The following STAB2 variants were observed in gnomAD, a reference collection of about 807,000 sequenced individuals.
STAB2 encodes the protein stabilin-2.
A neutral mutation model predicts 338.1 loss-of-function variants in STAB2; 288 were observed. The ratio of observed to expected loss-of-function variants is 0.85; its 90% CI spans 0.77 to 0.94. The LOEUF (loss-of-function observed/expected upper bound fraction) is 0.94. STAB2 is among the 40% of genes least tolerant of loss of function. The pLI, the probability that STAB2 is intolerant of heterozygous loss-of-function variation, is 0.00. For synonymous variants in STAB2, 1,202 were observed against 1,193.3 expected (o/e 1.01, Z -0.15); for missense variants, 3,141 against 3,210.1 (o/e 0.98, Z 0.52).
chr12:103,663,082 G>T (rs1239387718), intron 18 of STAB2, 84 bp downstream of exon 18: 1 of 1,533,324 alleles, frequency 6.5e-7, no homozygotes. Context: ...TCTGAGAAAG[G>T]TGTCAAAGAA....
At chr12:103,745,823 C>T (rs1419573855) in intron 57 of STAB2, among the ~76,000 whole-genome samples, 1 of 152,214 alleles carries the variant, frequency 6.6e-6, no homozygotes, top group African/African-American at 2.4e-5. Flanking sequence ...TACGCAGATG[C>T]TCAAAACAAG....
At chr12:103,665,368 C>A (rs1874988209) in intron 18 of STAB2, among the ~76,000 whole-genome samples, 1 of 152,128 alleles carries the variant, frequency 6.6e-6, no homozygotes, top group Non-Finnish European at 1.5e-5. Context: ...GAAACAGAAT[C>A]CATCTGAGAT....
chr12:103,747,989 T>C (rs1457408140), intron 58 of STAB2, among the ~76,000 whole-genome samples: 2 of 114,640 alleles, frequency 1.7e-5, no homozygotes, highest in African/African-American at 7.4e-5. Context: ...AACAAGACTC[T>C]GTCTCCAAAA....
intron 50 of STAB2, 65 bp from the exon 51 acceptor site, chr12:103,732,941 A>G: frequency 6.4e-7 from 1 of 1,566,836 alleles, no homozygotes. Flanking sequence ...CCTCAGAGAC[A>G]GAACCCCTGC....
In STAB2 at chr12:103,725,002, A is replaced by G. The variant is rs1158933808; in HGVS notation, c.4711A>G (p.Ile1571Val). The G allele has an allele frequency of 1.2e-6, 2 of 1,614,062 alleles. No homozygotes were observed. The highest frequency in any genetic ancestry group is 2.2e-5 in the South Asian group (2 of 91,078). Reference sequence around the variant, plus strand: ...AAATGGCGGCTGTAGTGAATTTGCCATCTGCAACCACACTGGGCAAGTAGA... The same window carrying G: ...AAATGGCGGCTGTAGTGAATTTGCCGTCTGCAACCACACTGGGCAAGTAGA... Reference protein sequence around the residue: ...TKNGGCSEFAICNHTGQVERT... With the variant: ...TKNGGCSEFAVCNHTGQVERT... Residue 1571 changes from isoleucine (I) to valine (V), a missense_variant, in exon 45 of 69, where the codon ATC (isoleucine) becomes GTC (valine). Transcript: ENST00000388887.
At chr12:103,661,867 G>A (rs79070155) in intron 17 of STAB2, among the ~76,000 whole-genome samples, 4,236 of 152,256 alleles carry the variant, frequency 0.028, 116 homozygotes, top group East Asian at 0.099. Context: ...GAGTAGGAAA[G>A]GAGGCTGGGC....
In STAB2 at chr12:103,660,379, A is replaced by G; in HGVS notation, c.1783A>G (p.Thr595Ala). The G allele has an allele frequency of 6.2e-7, 1 of 1,614,142 alleles. No homozygotes were observed. The highest frequency in any genetic ancestry group is 8.5e-7 in the Non-Finnish European group (1 of 1,180,018). ...CGTCAGATACCACATTGTCCCATTT[A>G]CCCAGGTTGGCCCCACTTTTCCTGC... Reference protein sequence around the residue: ...ELVRYHIVPFTQLEVATLIST... With the variant: ...ELVRYHIVPFAQLEVATLIST... The change falls in exon 16 of 69, where the codon ACC (threonine) becomes GCC (alanine). Residue 595 changes from threonine to alanine, a missense_variant. By Grantham distance (58) the Thr-to-Ala change is moderately conservative. Coordinates refer to ENST00000388887, the MANE Select transcript of STAB2 (RefSeq NM_017564.10).
At position 103,650,932 on chromosome 12, in the gene STAB2, G is replaced by A. The variant is rs1873694647; in HGVS notation, c.1257+354G>A. On this transcript the variant is annotated intron_variant, in intron 11 of 68. Coordinates refer to ENST00000388887, the MANE Select transcript of STAB2 (RefSeq NM_017564.10). ...AGGTGATAAAGAAGATTTGCTTAAA[G>A]CAAAACTGCTCACTTCCCACAGGAA... 2.0e-5 allele frequency among the ~76,000 whole-genome samples: 3 copies of A among 152,312 alleles called. No individual in the cohort carries two copies. The South Asian group carries it at 6.2e-4, about 32-fold the overall frequency.
chr12:103,762,451 C>T, intron 67 of STAB2, 49 bp downstream of exon 67: 2 of 1,613,310 alleles, frequency 1.2e-6, no homozygotes, highest in Non-Finnish European at 1.7e-6. Context: ...TCCAAAAACC[C>T]AGTCCCTGGA....
At position 103,755,668 on chromosome 12, in the gene STAB2, A is replaced by T; in HGVS notation, c.6937A>T (p.Asn2313Tyr). 6.2e-7 allele frequency: 1 copy of T among 1,614,106 alleles called. No individual in the cohort carries two copies. Among genetic ancestry groups the T allele is most frequent in the Non-Finnish European group, 8.5e-7 (1 of 1,180,028 alleles). Residue 2313 changes from asparagine to tyrosine, a missense_variant, in exon 63 of 69, where the codon AAC becomes TAC. Asn to Tyr is a moderately radical substitution (Grantham distance 143). Coordinates refer to ENST00000388887, the MANE Select transcript of STAB2 (RefSeq NM_017564.10). ...GGGAGATGGCTTCTCATGCAGTGGGAACCTGCTGCAGGTCCTGATGTCCTT... is the reference window on the plus strand; with the variant it reads ...GGGAGATGGCTTCTCATGCAGTGGGTACCTGCTGCAGGTCCTGATGTCCTT... ...YVGDGFSCSG[N>Y]LLQVLMSFPS...
chr12:103,710,143 C>T (rs556363453), intron 39 of STAB2, among the ~76,000 whole-genome samples: 28 of 152,292 alleles, frequency 1.8e-4, no homozygotes, highest in African/African-American at 6.3e-4. Flanking sequence ...AAACATAGAT[C>T]GTGTTTTTCA....
intron 43 of STAB2, among the ~76,000 whole-genome samples, chr12:103,716,612 T>TA (rs1374363282): frequency 2.0e-5 from 3 of 152,132 alleles, no homozygotes; most frequent in Non-Finnish European, 4.4e-5. Context: ...AGCAAGTACC[T>TA]AAAGTACGCA....
chr12:103,712,335 C>T (rs1038428637), intron 40 of STAB2, 32 bp from the exon 41 acceptor site: 2 of 1,576,318 alleles, frequency 1.3e-6, no homozygotes, highest in Admixed American at 1.7e-5. Flanking sequence ...GAGTATTTTT[C>T]TACAAACCCC....
At chr12:103,703,916 C>A (rs1011640711) in intron 35 of STAB2, among the ~76,000 whole-genome samples, 1 of 152,170 alleles carries the variant, frequency 6.6e-6, no homozygotes, top group Admixed American at 6.5e-5. Flanking sequence ...CCCCATTTTA[C>A]AGATGGGAAA....
intron 26 of STAB2, 110 bp downstream of exon 26, chr12:103,683,410 C>T: frequency 1.1e-6 from 1 of 911,962 alleles, no homozygotes; most frequent in South Asian, 2.0e-5. Flanking sequence ...TCTCTTACCC[C>T]CAAAAGGGAA....
intron 9 of STAB2, among the ~76,000 whole-genome samples, chr12:103,642,728 A>AGGG (rs2138701554): frequency 6.6e-6 from 1 of 152,266 alleles, no homozygotes; most frequent in East Asian, 1.9e-4. Flanking sequence ...GAACGTCCAA[A>AGGG]GGGGCATGCT....
At chr12:103,618,313 C>T (rs2138623751) in intron 3 of STAB2, among the ~76,000 whole-genome samples, 1 of 152,282 alleles carries the variant, frequency 6.6e-6, no homozygotes, top group African/African-American at 2.4e-5. Context: ...AGTGAAGATA[C>T]AGTGAGAAGT....
chr12:103,606,835 T>A (rs543343585), intron 3 of STAB2, among the ~76,000 whole-genome samples: 1 of 152,118 alleles, frequency 6.6e-6, no homozygotes, highest in East Asian at 1.9e-4. Flanking sequence ...ATACAAAAAA[T>A]TGGCTGGGCG....
intron 65 of STAB2, among the ~76,000 whole-genome samples, chr12:103,760,677 C>T (rs759552209): frequency 2.6e-5 from 4 of 152,052 alleles, no homozygotes; most frequent in Non-Finnish European, 2.9e-5. Context: ...ACCATGATGT[C>T]GGATTCAGGT....
Sources: allele counts gnomAD v4.1 joint callset (sites outside exome capture counted in the v4.1 genomes callset), GRCh38; gene constraint gnomAD v4.1.1; transcripts MANE v1.5; gene names NCBI Gene and HGNC (gene_info 2026-07-23, HGNC 2026-07-21).